ALG9: variants seen among roughly 807,000 people sequenced by gnomAD.
ALG9 encodes alpha-1,2-mannosyltransferase ALG9.
Under a neutral mutation model 81.8 loss-of-function variants are expected in ALG9, and 55 were observed. The observed-to-expected ratio is 0.67, with a 90% CI of 0.54 to 0.84. The LOEUF (loss-of-function observed/expected upper bound fraction) is 0.84. Ranked by LOEUF, ALG9 falls within the 40% of genes least tolerant of loss-of-function variation. ALG9 has a pLI of 0.00. For missense variants in ALG9, 629 were observed against 745.0 expected, an observed-to-expected ratio of 0.84 and a Z score of 1.81; for synonymous variants, 278 against 274.3, an observed-to-expected ratio of 1.01 and a Z score of -0.13.
rs145217014 is a variant in ALG9 at position 111,809,229 on chromosome 11, A to G, written c.1733+414T>C. 6.4e-3 allele frequency among the ~76,000 whole-genome samples: 970 copies of G among 152,258 alleles called. 6 individuals are homozygous for G. Among genetic ancestry groups the G allele is most frequent in the African/African-American group, 0.019 (807 of 41,560 alleles). The stretch of plus-strand genomic sequence containing the variant: ...AAGATTTCTCAGGAAACTGGGCCCA[A>G]ATAAAAAGAAAATGATGGGCCGGGC... On this transcript the variant is annotated intron_variant, in intron 14 of 14. Coordinates refer to ENST00000616540, the MANE Select transcript of ALG9 (RefSeq NM_024740.2).
chr11:111,785,582 T>C lies in ALG9; in HGVS notation c.*815A>G, dbSNP rs546866846. The C allele has an allele frequency of 5.2e-5, 8 of 154,822 alleles. No homozygotes were observed. The South Asian group carries it at 1.6e-3, about 31-fold the overall frequency. The allele number at this position is 154,822 out of a possible 1,614,324, so 9.6% of individuals were successfully genotyped here. A position where few individuals can be genotyped will look rare whatever the true frequency, so the allele number is the denominator to read the frequency against. On this transcript the variant is annotated 3_prime_UTR_variant, in exon 15 of 15. Transcript: ENST00000616540. ...ATGTGATGTCATCCAAATGTATCAA[T>C]TGATAGAATTTTCTCCAAATATGTC...
chr11:111,844,852 G>T, intron 8 of ALG9, 129 bp from the exon 9 acceptor site: 1 of 983,172 alleles, frequency 1.0e-6, no homozygotes, highest in Non-Finnish European at 1.6e-6. Flanking sequence ...AGAGTGCACA[G>T]CCCACTCTTC....
the ALG9 span, among the ~76,000 whole-genome samples, chr11:111,771,909 A>C: frequency 4.9e-4 from 75 of 152,190 alleles, no homozygotes; most frequent in Non-Finnish European, 5.9e-5. Flanking sequence ...GCAAATTTTT[A>C]ATCTCATTTT....
chr11:111,810,208 G>A (rs1430686043), intron 13 of ALG9, among the ~76,000 whole-genome samples: 1 of 152,102 alleles, frequency 6.6e-6, no homozygotes, highest in Non-Finnish European at 1.5e-5. Flanking sequence ...GGGAGGTTAC[G>A]CTACACCTCA....
At chr11:111,835,144 A>T (rs1555116321) in intron 13 of ALG9, among the ~76,000 whole-genome samples, 1 of 152,252 alleles carries the variant, frequency 6.6e-6, no homozygotes, top group Non-Finnish European at 1.5e-5. Context: ...AGCATATGAC[A>T]TAAGAAAATG....
At chr11:111,839,304 G>C (rs1446236608) in intron 10 of ALG9, among the ~76,000 whole-genome samples, 2 of 152,074 alleles carry the variant, frequency 1.3e-5, no homozygotes, top group East Asian at 3.9e-4. Context: ...GATATAAAGT[G>C]GCTGGGTGCG....
At chr11:111,793,041 T>C (rs1947662426) in intron 14 of ALG9, among the ~76,000 whole-genome samples, 1 of 152,218 alleles carries the variant, frequency 6.6e-6, no homozygotes. Flanking sequence ...TGGAGTGTAG[T>C]AGTGTGATCC....
rs782359302 is a variant in ALG9 at position 111,844,702 on chromosome 11, T to C, written c.917A>G (p.Tyr306Cys). The C allele has an allele frequency of 1.1e-5, 17 of 1,613,932 alleles. No individual in the cohort carries two copies. The South Asian group carries it at 1.1e-4, about 10-fold the overall frequency. The change falls in exon 9 of 15, where the codon TAT becomes TGT. Residue 306 changes from tyrosine to cysteine, a missense_variant. By Grantham distance (194) the Tyr-to-Cys change is radical (BLOSUM62 -2). This residue lies in a region of ALG9 where 344 missense variants were observed against 390.5 expected (regional missense o/e 0.88). Transcript: ENST00000616540. The part of the protein sequence containing the change: ...DLYGTEPWYF[Y>C]LINGFLNFNV... ...GAAATTCAGAAATCCATTAATTAAA[T>C]AGAAATACCAGGGTTCTGTACCTGA...
chr11:111,864,120 C>T, intron 4 of ALG9: 1 of 484,938 alleles, frequency 2.1e-6, no homozygotes, highest in East Asian at 3.5e-5. Flanking sequence ...CACCTGTACC[C>T]CAAAAACTAT....
chr11:111,816,652 G>C (rs1354445999), intron 13 of ALG9, among the ~76,000 whole-genome samples: 3 of 152,128 alleles, frequency 2.0e-5, no homozygotes, highest in Non-Finnish European at 4.4e-5. Context: ...AACCTCTCAA[G>C]CTCAAGTGAT....
At chr11:111,868,958 CAA>C (rs369189799) in intron 2 of ALG9, among the ~76,000 whole-genome samples, 8 of 139,390 alleles carry the variant, frequency 5.7e-5, no homozygotes, top group Admixed American at 7.2e-5. Context: ...CCATCTCTAC[CAA>C]AAAAAAAAAA....
At chr11:111,768,916 A>T in the ALG9 span, 1 of 152,030 alleles carries the variant, frequency 6.6e-6, no homozygotes, top group African/African-American at 2.4e-5. Context: ...ATGGATTCAT[A>T]TATTTAATAC....
chr11:111,850,706 C>CA lies in ALG9; in HGVS notation c.895+2673dup, dbSNP rs782114013. Among the ~76,000 whole-genome samples, 652 of 66,690 alleles carry CA rather than the reference C, an allele frequency of 9.8e-3. 67 individuals are homozygous for CA. The highest frequency in any genetic ancestry group is 0.052 in the African/African-American group (565 of 10,866). The allele number at this position is 66,690 out of a possible 152,430, so 43.8% of individuals were successfully genotyped here. On this transcript the variant is annotated intron_variant, in intron 8 of 14. Coordinates refer to ENST00000616540, the MANE Select transcript of ALG9 (RefSeq NM_024740.2). ...CGGGTGACAGAGCGAGATACTGTCTCAAAAAAAAAAAAAAAAAATCAGACA... is the reference window on the plus strand; with the variant it reads ...CGGGTGACAGAGCGAGATACTGTCTCAAAAAAAAAAAAAAAAAAATCAGACA...
intron 13 of ALG9, among the ~76,000 whole-genome samples, chr11:111,813,067 C>A (rs1555093176): frequency 0.013 from 2 of 154 alleles, no homozygotes; most frequent in Admixed American, 0.1. Flanking sequence ...TTTTCACCAG[C>A]TGGTGTAGAC....
At chr11:111,835,084 T>TGG (rs1334140113) in intron 13 of ALG9, among the ~76,000 whole-genome samples, 1 of 137,464 alleles carries the variant, frequency 7.3e-6, no homozygotes, top group Non-Finnish European at 1.5e-5. Flanking sequence ...CAGATGTGGC[T>TGG]GCAGGTTTGC....
chr11:111,788,656 T>C (rs942785909), intron 14 of ALG9: 5 of 362,604 alleles, frequency 1.4e-5, no homozygotes, highest in South Asian at 1.0e-4. Context: ...GAGCTGGTAG[T>C]ATGGCATGAG....
intron 13 of ALG9, among the ~76,000 whole-genome samples, chr11:111,818,476 A>G (rs561854772): frequency 6.6e-6 from 1 of 152,280 alleles, no homozygotes; most frequent in East Asian, 1.9e-4. Context: ...AATATGACTA[A>G]AATACTGAGT....
chr11:111,857,064 GC>G (rs1263985606), intron 6 of ALG9, among the ~76,000 whole-genome samples: 1 of 152,116 alleles, frequency 6.6e-6, no homozygotes, highest in Non-Finnish European at 1.5e-5. Flanking sequence ...CCAACATCGT[GC>G]CATTGCACTC....
At chr11:111,853,242 T>C (rs1958111696) in intron 8 of ALG9, 138 bp downstream of exon 8, 4 of 718,910 alleles carry the variant, frequency 5.6e-6, no homozygotes, top group Non-Finnish European at 7.6e-6. Flanking sequence ...TATACTCAGA[T>C]GTCATTTTTA....
Sources: gnomAD v4.1 joint callset for allele counts (sites outside exome capture counted in the v4.1 genomes callset) on GRCh38, gnomAD v4.1.1 for gene constraint, gnomAD v4.1.1 regional missense constraint, MANE v1.5 for transcripts, NCBI Gene and HGNC (gene_info 2026-07-23, HGNC 2026-07-21) for gene names.